Variants in DNAAF9 observed in about 807,000 individuals in gnomAD.
The protein encoded by DNAAF9 is dynein axonemal assembly factor 9.
DNAAF9 carries 90 observed loss-of-function variants against 167.0 expected under a neutral mutation model. That is an observed-to-expected ratio of 0.54 (90% CI 0.45 to 0.64). The LOEUF (loss-of-function observed/expected upper bound fraction) is 0.64. Ranked by LOEUF, DNAAF9 falls within the 30% of genes least tolerant of loss-of-function variation. The pLI, the probability that DNAAF9 is intolerant of heterozygous loss-of-function variation, is 0.00. For synonymous variants in DNAAF9, 491 were observed against 508.8 expected, an observed-to-expected ratio of 0.96 and a Z score of 0.47; for missense variants, 1,315 against 1,442.2, an observed-to-expected ratio of 0.91 and a Z score of 1.43.
At chr20:3,276,524 T>G (rs553361249) in intron 29 of DNAAF9, among the ~76,000 whole-genome samples, 1 of 152,356 alleles carries the variant, frequency 6.6e-6, no homozygotes, top group African/African-American at 2.4e-5. Context: ...GAGAACAGTC[T>G]GTTTTGGCCT....
At position 3,277,261 on chromosome 20, in the gene DNAAF9, TTCTTCCCTCAAGG is replaced by T. The variant is rs769449213; in HGVS notation, c.2650+1638_2650+1650del. Among the ~76,000 whole-genome samples the T allele has an allele frequency of 9.2e-4, 140 of 152,278 alleles. 1 individual carries two copies. The highest frequency in any genetic ancestry group is 2.8e-3 in the African/African-American group (115 of 41,560). ...TACAGAGCCAGTGGGCTTTTCTCTG[TTCTTCCCTCAAGG>T]TCTCTGCAGCATTAGACATCGTGGA... On this transcript the variant is annotated intron_variant, in intron 29 of 36. Coordinates refer to ENST00000252032, the MANE Select transcript of DNAAF9 (RefSeq NM_001009984.3).
intron 12 of DNAAF9, among the ~76,000 whole-genome samples, chr20:3,329,175 C>T (rs1328255721): frequency 2.0e-5 from 3 of 151,708 alleles, no homozygotes; most frequent in Admixed American, 6.6e-5. Context: ...TGGACACACA[C>T]GCACATTTTT....
Position 3,345,910 on chromosome 20 carries a change from G to A in DNAAF9, c.790-2179C>T, listed in dbSNP as rs1241471934. Among the ~76,000 whole-genome samples, 5 of 152,130 alleles carry A rather than the reference G, an allele frequency of 3.3e-5. No homozygotes were observed. In the East Asian group the frequency reaches 9.7e-4, roughly 29 times the overall value. On this transcript the variant is annotated intron_variant, in intron 8 of 36. Transcript: ENST00000252032. Reference sequence around the variant, plus strand: ...AGATCGCGCCACTGCACTCCAGCCTGGCGACAGAGCGACACTCCATCCCAA... The same window carrying A: ...AGATCGCGCCACTGCACTCCAGCCTAGCGACAGAGCGACACTCCATCCCAA...
intron 28 of DNAAF9, among the ~76,000 whole-genome samples, chr20:3,280,703 C>T (rs534069181): frequency 3.9e-4 from 59 of 152,156 alleles, no homozygotes; most frequent in African/African-American, 1.4e-3. Context: ...GCAGCCTCAA[C>T]CTCTTGGGCT....
At position 3,315,909 on chromosome 20, in the gene DNAAF9, C is replaced by G; in HGVS notation, c.1540-124G>C. The G allele has an allele frequency of 1.3e-6, 1 of 796,870 alleles. No individual in the cohort carries two copies. Among genetic ancestry groups the G allele is most frequent in the Non-Finnish European group, 2.2e-6 (1 of 449,652 alleles). The allele number at this position is 796,870 out of a possible 1,614,324, so 49.4% of individuals were successfully genotyped here. On this transcript the variant is annotated intron_variant, in intron 18 of 36. Transcript: ENST00000252032. This position sits in a 1 kb window ranked among gnomAD's most constrained non-coding sequence, Gnocchi z 4.1. ...GACAGTCCTTCCACCATGTCCATGTCCAGTGCTCTCAGGCCCTGACACACC... is the reference window on the plus strand; with the variant it reads ...GACAGTCCTTCCACCATGTCCATGTGCAGTGCTCTCAGGCCCTGACACACC...
At chr20:3,271,024 G>A (rs1236966133) in intron 29 of DNAAF9, among the ~76,000 whole-genome samples, 2 of 151,884 alleles carry the variant, frequency 1.3e-5, no homozygotes, top group Non-Finnish European at 2.9e-5. Flanking sequence ...TGTTGGCTAG[G>A]CTGGTCTTGA....
rs550856288 is a variant in DNAAF9 at position 3,317,721 on chromosome 20, C to T, written c.1468+568G>A. Reference sequence around the variant, plus strand: ...AAGTGATTCTCCTGCCTCAGCTTCCCGAGTAATTGGGATTACAGGCACCCA... The same window carrying T: ...AAGTGATTCTCCTGCCTCAGCTTCCTGAGTAATTGGGATTACAGGCACCCA... On this transcript the variant is annotated intron_variant, in intron 17 of 36. Transcript: ENST00000252032. Among the ~76,000 whole-genome samples, 11 of 152,134 alleles carry T rather than the reference C, an allele frequency of 7.2e-5. No individual in the cohort carries two copies. In the South Asian group the frequency reaches 2.3e-3, roughly 32 times the overall value.
At chr20:3,364,887 C>T (rs2083409555) in intron 6 of DNAAF9, among the ~76,000 whole-genome samples, 1 of 151,734 alleles carries the variant, frequency 6.6e-6, no homozygotes, top group African/African-American at 2.4e-5. Flanking sequence ...CCCTTCCCCT[C>T]CCCTTCCTTT....
intron 7 of DNAAF9, among the ~76,000 whole-genome samples, chr20:3,354,555 G>C (rs1250998578): frequency 6.6e-6 from 1 of 152,204 alleles, no homozygotes; most frequent in Admixed American, 6.5e-5. Flanking sequence ...GGGCAAAGCA[G>C]CCACATTTGA....
chr20:3,343,996 T>C (rs1042724291), intron 8 of DNAAF9, among the ~76,000 whole-genome samples: 1 of 150,662 alleles, frequency 6.6e-6, no homozygotes, highest in Admixed American at 6.6e-5. Context: ...AACAAAATAA[T>C]ACCAAAAAAG....
intron 3 of DNAAF9, among the ~76,000 whole-genome samples, chr20:3,377,047 C>G (rs1361786762): frequency 6.6e-6 from 1 of 151,982 alleles, no homozygotes; most frequent in African/African-American, 2.4e-5. Context: ...CCAGACTGGG[C>G]GACAGAGTGA....
chr20:3,353,232 C>G (rs2070360988), intron 7 of DNAAF9, among the ~76,000 whole-genome samples: 1 of 152,058 alleles, frequency 6.6e-6, no homozygotes, highest in Admixed American at 6.6e-5. Flanking sequence ...ATGCACATCA[C>G]TGGCCTCAGG....
intron 12 of DNAAF9, among the ~76,000 whole-genome samples, chr20:3,328,252 G>T (rs2069752747): frequency 6.7e-6 from 1 of 150,206 alleles, no homozygotes; most frequent in Non-Finnish European, 1.5e-5. Context: ...TGCGACCTCA[G>T]CTCACTGCAA....
At position 3,376,270 on chromosome 20, in the gene DNAAF9, G is replaced by C. The variant is rs2083573924; in HGVS notation, c.316C>G (p.His106Asp). Residue 106 changes from histidine to aspartate, a missense_variant, in exon 4 of 37, where the codon CAT becomes GAT. By Grantham distance (81) the His-to-Asp change is moderately conservative. This residue lies in a region of DNAAF9 where 981 missense variants were observed against 1,012.5 expected (regional missense o/e 0.97). Coordinates refer to ENST00000252032, the MANE Select transcript of DNAAF9 (RefSeq NM_001009984.3). ...VIILIKSDSV[H>D]LYCNPVNFRY... ...AAGTTTACAGGATTACAGTACAGAT[G>C]GACGCTATCCGATTTAATCAATATA... is the stretch of plus-strand genomic sequence containing the variant. 6.2e-7 allele frequency: 1 copy of C among 1,611,684 alleles called. No homozygotes were observed. Among genetic ancestry groups the C allele is most frequent in the Non-Finnish European group, 8.5e-7 (1 of 1,178,458 alleles).
At chr20:3,306,614 T>C (rs2069299706) in intron 20 of DNAAF9, among the ~76,000 whole-genome samples, 1 of 152,230 alleles carries the variant, frequency 6.6e-6, no homozygotes, top group Admixed American at 6.5e-5. Flanking sequence ...CAGGTTTGTC[T>C]GATGCCAAAG....
intron 28 of DNAAF9, among the ~76,000 whole-genome samples, chr20:3,279,897 G>C (rs937101933): frequency 6.6e-6 from 1 of 152,198 alleles, no homozygotes; most frequent in Non-Finnish European, 1.5e-5. Context: ...AATGGCTGCT[G>C]GTCTAGCTGG....
intron 20 of DNAAF9, chr20:3,306,947 G>A: frequency 1.0e-6 from 1 of 985,254 alleles, no homozygotes; most frequent in Non-Finnish European, 1.2e-6. Context: ...GCTGCTGAGT[G>A]GTTAGTACCT....
At chr20:3,402,914 T>C (rs2084007468) in intron 1 of DNAAF9, among the ~76,000 whole-genome samples, 2 of 152,190 alleles carry the variant, frequency 1.3e-5, no homozygotes, top group African/African-American at 2.4e-5. Context: ...TAAAATTCAT[T>C]GTGCTAGATT....
intron 6 of DNAAF9, 109 bp from the exon 7 acceptor site, chr20:3,359,702 C>G (rs556576762): frequency 2.8e-6 from 2 of 702,246 alleles, no homozygotes; most frequent in East Asian, 2.8e-5. Context: ...CTAGTGTGAA[C>G]AGAATAATAA....
Sources: gnomAD v4.1 joint callset for allele counts (sites outside exome capture counted in the v4.1 genomes callset) on GRCh38, gnomAD v4.1.1 for gene constraint, gnomAD v4.1.1 regional missense constraint, Gnocchi (gnomAD v3.1) non-coding constraint, MANE v1.5 for transcripts, NCBI Gene and HGNC (gene_info 2026-07-23, HGNC 2026-07-21) for gene names.